The following NUP133 variants were observed in gnomAD, a reference collection of about 807,000 sequenced individuals.
NUP133 encodes nuclear pore complex protein Nup133.
NUP133 carries 66 observed loss-of-function variants against 146.2 expected under a neutral mutation model. The ratio of observed to expected loss-of-function variants is 0.45; its 90% CI spans 0.37 to 0.55. The LOEUF (loss-of-function observed/expected upper bound fraction) is 0.55. NUP133 is among the 20% of genes least tolerant of loss of function. The pLI is 0.00. For missense variants in NUP133, 1,277 were observed against 1,374.8 expected (o/e 0.93, Z 1.12); for synonymous variants, 521 against 498.8 (o/e 1.04, Z -0.59).
At chr1:229,457,146 C>A (rs948872869) in intron 21 of NUP133, among the ~76,000 whole-genome samples, 1 of 151,550 alleles carries the variant, frequency 6.6e-6, no homozygotes, top group Non-Finnish European at 1.5e-5. Context: ...TTTTAATTGA[C>A]GCATAATAAT....
rs1491123491 is a variant in NUP133, at chr1:229,449,874, T to TATATATA, written c.3180+650_3180+651insTATATAT. ...TTTTATATATATATATATATATATA[T>TATATATA]TTTTTTTTTTTTTTTTTTTTTTTTT... On this transcript the variant is annotated intron_variant, in intron 23 of 25. Transcript: ENST00000261396. Among the ~76,000 whole-genome samples the TATATATA allele has an allele frequency of 3.6e-3, 279 of 77,884 alleles. 2 individuals carry two copies. Among genetic ancestry groups the TATATATA allele is most frequent in the African/African-American group, 0.01 (188 of 18,732 alleles). The allele number at this position is 77,884 out of a possible 152,430, so 51.1% of individuals were successfully genotyped here.
At chr1:229,504,547 G>A (rs1374170217) in intron 2 of NUP133, among the ~76,000 whole-genome samples, 3 of 152,118 alleles carry the variant, frequency 2.0e-5, no homozygotes, top group East Asian at 3.8e-4. Context: ...GGTACACCAC[G>A]ACAATGGTAA....
intron 15 of NUP133, among the ~76,000 whole-genome samples, chr1:229,468,196 C>T (rs1660868041): frequency 6.6e-6 from 1 of 152,082 alleles, no homozygotes; most frequent in Non-Finnish European, 1.5e-5. Flanking sequence ...TACTTTCTAT[C>T]AGGGCTGCCA....
At position 229,502,117 on chromosome 1, in the gene NUP133, G is replaced by T. The variant is rs769341629; in HGVS notation, c.302-15C>A. ...CTGGTCATCGACTAAAGGAAAAAAT[G>T]AGGTGGGTGATTAATCTTATAGTAT... On this transcript the variant is annotated splice_polypyrimidine_tract_variant and intron_variant, in intron 2 of 25. Transcript: ENST00000261396. 3 of 1,573,688 alleles carry T rather than the reference G, an allele frequency of 1.9e-6. No homozygotes were observed. Among genetic ancestry groups the T allele is most frequent in the Non-Finnish European group, 1.7e-6 (2 of 1,143,898 alleles).
intron 25 of NUP133, among the ~76,000 whole-genome samples, chr1:229,442,922 G>C (rs1485075409): frequency 1.3e-5 from 2 of 152,036 alleles, no homozygotes; most frequent in Admixed American, 6.6e-5. Context: ...GGCCAGGCTG[G>C]TCTTGAACTC....
intron 14 of NUP133, among the ~76,000 whole-genome samples, chr1:229,471,651 C>A (rs561045804): frequency 1.3e-5 from 2 of 152,232 alleles, no homozygotes; most frequent in South Asian, 2.1e-4. Context: ...TATGACATTA[C>A]AATAACCTGA....
At chr1:229,480,286 T>C (rs915977441) in intron 12 of NUP133, among the ~76,000 whole-genome samples, 1 of 152,126 alleles carries the variant, frequency 6.6e-6, no homozygotes, top group East Asian at 1.9e-4. Context: ...CATGGTCCCT[T>C]GGTAGAACAG....
At chr1:229,455,297 G>A (rs1017812252) in intron 21 of NUP133, among the ~76,000 whole-genome samples, 4 of 152,194 alleles carry the variant, frequency 2.6e-5, no homozygotes, top group African/African-American at 4.8e-5. Flanking sequence ...GGTGGCTCAT[G>A]TCTATAATCC....
At chr1:229,488,474 G>A (rs368972684) in intron 9 of NUP133, among the ~76,000 whole-genome samples, 2 of 152,272 alleles carry the variant, frequency 1.3e-5, no homozygotes, top group East Asian at 3.9e-4. Context: ...AATATTAAAT[G>A]CGAGGTCCTA....
At chr1:229,497,899 C>CA (rs1258232538) in intron 6 of NUP133, among the ~76,000 whole-genome samples, 1 of 152,058 alleles carries the variant, frequency 6.6e-6, no homozygotes, top group Non-Finnish European at 1.5e-5. Context: ...AGTTTTAGTT[C>CA]AAAAAATGTA....
At chr1:229,456,204 ACAGGGT>A (rs1454124689) in intron 21 of NUP133, among the ~76,000 whole-genome samples, 4 of 152,200 alleles carry the variant, frequency 2.6e-5, no homozygotes, top group Non-Finnish European at 5.9e-5. Context: ...GTGGTTGATG[ACAGGGT>A]CTATTAGATT....
chr1:229,496,633 T>C (rs1452989825), intron 6 of NUP133, among the ~76,000 whole-genome samples: 1 of 152,176 alleles, frequency 6.6e-6, no homozygotes, highest in African/African-American at 2.4e-5. Context: ...GAAGTCATCC[T>C]GTTACATTGG....
intron 3 of NUP133, among the ~76,000 whole-genome samples, chr1:229,501,489 T>C (rs1392048049): frequency 6.6e-6 from 1 of 152,210 alleles, no homozygotes; most frequent in Non-Finnish European, 1.5e-5. Flanking sequence ...GTAGTGTATC[T>C]AAGCTGTAAC....
rs138697468 is a variant in NUP133, at chr1:229,459,253, T to C, written c.2845-957A>G. Among the ~76,000 whole-genome samples the C allele has an allele frequency of 9.4e-3, 1,425 of 152,310 alleles. 88 individuals are homozygous for C. The highest frequency in any genetic ancestry group is 0.075 in the Admixed American group (1,148 of 15,300). ...AAAAAATGTTCCTGGCTGGGTGCAG[T>C]GGCTCATGCCCGTAATCCCAGAACG... On this transcript the variant is annotated intron_variant, in intron 20 of 25. Coordinates refer to ENST00000261396, the MANE Select transcript of NUP133 (RefSeq NM_018230.3).
chr1:229,478,783 T>A (rs754008440), intron 12 of NUP133, among the ~76,000 whole-genome samples: 1 of 152,160 alleles, frequency 6.6e-6, no homozygotes, highest in African/African-American at 2.4e-5. Context: ...GTTATGGGGT[T>A]TGAACCTAAT....
At chr1:229,469,402 C>G (rs1660902350) in intron 15 of NUP133, among the ~76,000 whole-genome samples, 1 of 152,202 alleles carries the variant, frequency 6.6e-6, no homozygotes, top group Non-Finnish European at 1.5e-5. Flanking sequence ...AAGTTTGTAG[C>G]AGACTTTACT....
intron 20 of NUP133, among the ~76,000 whole-genome samples, chr1:229,459,265 G>A (rs546351572): frequency 4.6e-5 from 7 of 152,214 alleles, no homozygotes; most frequent in South Asian, 2.1e-4. Context: ...GCTCATGCCC[G>A]TAATCCCAGA....
intron 23 of NUP133, 69 bp downstream of exon 23, chr1:229,450,454 TAA>T (rs1660422425): frequency 2.8e-6 from 2 of 726,306 alleles, no homozygotes; most frequent in Admixed American, 2.8e-5. Context: ...CATGATTGAC[TAA>T]AAGAGGGATC....
chr1:229,508,230 G>A lies in NUP133; in HGVS notation c.20C>T (p.Ser7Phe), dbSNP rs745909095. The change falls in exon 1 of 26, where the codon TCT becomes TTT. Residue 7 changes from serine (S) to phenylalanine (F), a missense_variant. Ser to Phe is a radical substitution (Grantham distance 155). Coordinates refer to ENST00000261396, the MANE Select transcript of NUP133 (RefSeq NM_018230.3). ...GGACCCGGTACCCGGGGTCCGCGGA[G>A]AAGGGGCGGCTGGGAACATGACTCC... Reference protein sequence around the residue: MFPAAPSPRTPGTGSRR... With the variant: MFPAAPFPRTPGTGSRR... The A allele has an allele frequency of 3.1e-5, 48 of 1,540,012 alleles. No homozygotes were observed. The African/African-American group carries it at 6.4e-4, about 21-fold the overall frequency.
Sources: allele counts gnomAD v4.1 joint callset (sites outside exome capture counted in the v4.1 genomes callset), GRCh38; gene constraint gnomAD v4.1.1; transcripts MANE v1.5; gene names NCBI Gene and HGNC (gene_info 2026-07-23, HGNC 2026-07-21).